DPYD: variants seen among roughly 807,000 people sequenced by gnomAD.
DPYD encodes the protein dihydropyrimidine dehydrogenase [NADP(+)].
In DPYD, 109 loss-of-function variants were observed where a neutral mutation model predicts 116.2. That is an observed-to-expected ratio of 0.94 (90% CI 0.80 to 1.10). DPYD has a LOEUF of 1.10. Ranked by LOEUF, DPYD falls within the 50% of genes least tolerant of loss-of-function variation. The probability of loss-of-function intolerance (pLI) is 0.00; values close to 1 mark genes in which losing one functional copy is unlikely to be tolerated. For synonymous variants in DPYD, 440 were observed against 432.0 expected (o/e 1.02, Z -0.23); for missense variants, 1,302 against 1,254.5 (o/e 1.04, Z -0.57).
intron 7 of DPYD, among the ~76,000 whole-genome samples, chr1:97,682,357 T>C (rs1459643359): frequency 6.6e-6 from 1 of 151,754 alleles, no homozygotes; most frequent in Non-Finnish European, 1.5e-5. Flanking sequence ...AGATCCCTGG[T>C]AGAAATGAGG....
intron 16 of DPYD, among the ~76,000 whole-genome samples, chr1:97,356,650 T>G (rs913320147): frequency 7.9e-5 from 12 of 152,246 alleles, no homozygotes; most frequent in African/African-American, 2.9e-4. Flanking sequence ...TTTTACAGTT[T>G]AAGGTCTTAC....
chr1:97,831,836 G>T (rs1377494259), intron 2 of DPYD, among the ~76,000 whole-genome samples: 1 of 151,804 alleles, frequency 6.6e-6, no homozygotes, highest in African/African-American at 2.4e-5. Flanking sequence ...ACAAAACGCA[G>T]GCCTGCTAGC....
intron 13 of DPYD, among the ~76,000 whole-genome samples, chr1:97,455,680 C>A (rs1050475134): frequency 3.3e-5 from 5 of 151,862 alleles, no homozygotes; most frequent in Non-Finnish European, 7.4e-5. Flanking sequence ...GTTTCTAGAA[C>A]AATTGCGCTA....
intron 2 of DPYD, among the ~76,000 whole-genome samples, chr1:97,876,007 C>A (rs964596609): frequency 6.6e-6 from 1 of 151,976 alleles, no homozygotes; most frequent in Non-Finnish European, 1.5e-5. Context: ...ATGTCATAGG[C>A]AAACTGATCT....
At chr1:97,509,227 T>C (rs1570865223) in intron 13 of DPYD, among the ~76,000 whole-genome samples, 1 of 152,070 alleles carries the variant, frequency 6.6e-6, no homozygotes, top group Admixed American at 6.6e-5. Context: ...TATGCAGCAA[T>C]AGGTACGTGA....
chr1:97,318,986 G>A (rs1300773355), intron 16 of DPYD, among the ~76,000 whole-genome samples: 13 of 100,668 alleles, frequency 1.3e-4, no homozygotes, highest in African/African-American at 4.8e-4. Context: ...TGACTACTGG[G>A]TACATAACGA....
intron 18 of DPYD, among the ~76,000 whole-genome samples, chr1:97,262,990 G>A (rs1272693615): frequency 1.3e-5 from 2 of 152,072 alleles, no homozygotes; most frequent in East Asian, 3.9e-4. Context: ...ACAGTTCTCA[G>A]TGTTGGGTTA....
At chr1:97,889,288 T>C (rs571140811) in intron 1 of DPYD, among the ~76,000 whole-genome samples, 9 of 152,138 alleles carry the variant, frequency 5.9e-5, no homozygotes, top group African/African-American at 1.9e-4. Flanking sequence ...CAGTAAAGTA[T>C]AGGTAATTAT....
In DPYD at chr1:97,679,103, A is replaced by G. The variant is rs369103276; in HGVS notation, c.842T>C (p.Ile281Thr). ...AAGAGTAAACTACTCACCTATTCCA[A>G]TGAAAGCAGCTTTGTAGCCTTTTTC... The part of the protein sequence containing the change: ...LKEKGYKAAF[I>T]GIGLPEPNKD... Residue 281 changes from isoleucine to threonine, a missense_variant, in exon 8 of 23, where the codon ATT becomes ACT. Physicochemically the swap from Ile to Thr is moderately conservative, Grantham distance 89. Coordinates refer to ENST00000370192, the MANE Select transcript of DPYD (RefSeq NM_000110.4). 6.4e-7 allele frequency: 1 copy of G among 1,554,116 alleles called. No homozygotes were observed. The highest frequency in any genetic ancestry group is 8.8e-7 in the Non-Finnish European group (1 of 1,138,216).
intron 20 of DPYD, among the ~76,000 whole-genome samples, chr1:97,163,652 C>G (rs886335817): frequency 6.6e-6 from 1 of 152,162 alleles, no homozygotes; most frequent in African/African-American, 2.4e-5. Flanking sequence ...GAAATGAATG[C>G]TCTGTCCTCA....
chr1:97,252,012 C>T (rs548816399), intron 18 of DPYD, among the ~76,000 whole-genome samples: 21 of 150,424 alleles, frequency 1.4e-4, no homozygotes, highest in Non-Finnish European at 2.8e-4. Flanking sequence ...CTCTCCAAAA[C>T]GAGAGAGGAG....
chr1:97,555,472 T>C lies in DPYD; in HGVS notation c.1340-5728A>G, dbSNP rs536181578. On this transcript the variant is annotated intron_variant, in intron 11 of 22. Transcript: ENST00000370192. ...CACATCCAAAACTCAGTTCACAAGC[T>C]TCCCCTGGGCCTTCCCACCTCATGA... Among the ~76,000 whole-genome samples the C allele has an allele frequency of 7.9e-5, 12 of 152,238 alleles. No homozygotes were observed. The South Asian group carries it at 2.5e-3, about 32-fold the overall frequency.
intron 3 of DPYD, among the ~76,000 whole-genome samples, chr1:97,778,898 C>A (rs1666576007): frequency 1.3e-5 from 2 of 152,126 alleles, no homozygotes; most frequent in South Asian, 4.1e-4. Context: ...CTTGGTTCAA[C>A]AAGCTCTCTT....
At chr1:97,219,882 C>T (rs1660668549) in intron 19 of DPYD, among the ~76,000 whole-genome samples, 1 of 152,142 alleles carries the variant, frequency 6.6e-6, no homozygotes, top group African/African-American at 2.4e-5. Context: ...TCATCTCTGC[C>T]TATGTCTTTC....
intron 20 of DPYD, among the ~76,000 whole-genome samples, chr1:97,160,285 C>G (rs1655791817): frequency 6.6e-6 from 1 of 151,882 alleles, no homozygotes; most frequent in Non-Finnish European, 1.5e-5. Context: ...CTTTCTTATC[C>G]TTTCAGAATA....
chr1:97,614,878 G>C (rs1571063885), intron 8 of DPYD, among the ~76,000 whole-genome samples: 1 of 152,050 alleles, frequency 6.6e-6, no homozygotes. Context: ...AAGGCTTACA[G>C]ATCTTCTAAT....
At chr1:97,557,909 A>C (rs1230854880) in intron 11 of DPYD, among the ~76,000 whole-genome samples, 1 of 152,224 alleles carries the variant, frequency 6.6e-6, no homozygotes, top group East Asian at 1.9e-4. Context: ...GGTGGATATT[A>C]TCATCCTCAA....
chr1:97,515,962 C>T, intron 12 of DPYD, 21 bp from the exon 13 acceptor site: 5 of 1,595,404 alleles, frequency 3.1e-6, no homozygotes, highest in Non-Finnish European at 3.4e-6. Flanking sequence ...CAAACCAATA[C>T]TTGGTTTCAT....
intron 13 of DPYD, among the ~76,000 whole-genome samples, chr1:97,496,679 A>C (rs1679283638): frequency 6.6e-6 from 1 of 151,996 alleles, no homozygotes. Flanking sequence ...TATGCAGGGC[A>C]ACTGTTTGGT....
Sources: allele counts gnomAD v4.1 joint callset (sites outside exome capture counted in the v4.1 genomes callset), GRCh38; gene constraint gnomAD v4.1.1; transcripts MANE v1.5; gene names NCBI Gene and HGNC (gene_info 2026-07-23, HGNC 2026-07-21).